CNRIP1: variants seen among roughly 807,000 people sequenced by gnomAD.
The protein encoded by CNRIP1 is CB1 cannabinoid receptor-interacting protein 1.
A neutral mutation model predicts 15.2 loss-of-function variants in CNRIP1; 10 were observed. The ratio of observed to expected loss-of-function variants is 0.66; its 90% CI spans 0.41 to 1.12. The LOEUF (loss-of-function observed/expected upper bound fraction) is 1.12, where lower values mean the gene tolerates loss of function less well. Ranked by LOEUF, CNRIP1 falls within the 50% of genes most tolerant of loss-of-function variation. The probability of loss-of-function intolerance (pLI) is 0.00; values close to 1 mark genes in which losing one functional copy is unlikely to be tolerated. For missense variants in CNRIP1, 211 were observed against 214.7 expected, an observed-to-expected ratio of 0.98 and a Z score of 0.11; for synonymous variants, 91 against 83.2, an observed-to-expected ratio of 1.09 and a Z score of -0.51.
chr2:68,305,244 C>CAAAAAAAA (rs60243249), intron 2 of CNRIP1, among the ~76,000 whole-genome samples: 14 of 91,632 alleles, frequency 1.5e-4, no homozygotes, highest in African/African-American at 5.1e-4. Context: ...AACTCCGTCT[C>CAAAAAAAA]AAAAAAAAAA....
chr2:68,297,270 A>G (rs1457575657), intron 2 of CNRIP1, among the ~76,000 whole-genome samples: 2 of 152,180 alleles, frequency 1.3e-5, no homozygotes, highest in Non-Finnish European at 2.9e-5. Context: ...AAAACAAAAC[A>G]AAGCAAAAAC....
intron 2 of CNRIP1, among the ~76,000 whole-genome samples, chr2:68,306,124 CAAAAAAAAA>C (rs61586261): frequency 1.0e-3 from 26 of 25,342 alleles, no homozygotes; most frequent in East Asian, 2.7e-3. Context: ...CCCACCTCTA[CAAAAAAAAA>C]AAAAAAAAAA....
intron 2 of CNRIP1, among the ~76,000 whole-genome samples, chr2:68,313,929 G>A (rs1672183672): frequency 6.6e-6 from 1 of 151,990 alleles, no homozygotes; most frequent in African/African-American, 2.4e-5. Flanking sequence ...CCACCATGTT[G>A]GGCTTCTCAT....
intron 2 of CNRIP1, chr2:68,316,741 A>C: frequency 3.1e-6 from 1 of 319,760 alleles, no homozygotes. Context: ...TTCCCATGAC[A>C]CTTTTTTTGG....
chr2:68,303,243 T>A lies in CNRIP1; in HGVS notation c.331-9217A>T, dbSNP rs76167807. 1.8e-4 allele frequency among the ~76,000 whole-genome samples: 28 copies of A among 152,294 alleles called. No individual in the cohort carries two copies. In the East Asian group the frequency reaches 5.4e-3, roughly 29 times the overall value. On this transcript the variant is annotated intron_variant, in intron 2 of 2. Coordinates refer to ENST00000263655, the MANE Select transcript of CNRIP1 (RefSeq NM_015463.3). ...ATATGTCATCAGAGTTGAAAGGAAA[T>A]ATTATCTTAAAGCAGAACTGCAAAT...
intron 2 of CNRIP1, among the ~76,000 whole-genome samples, chr2:68,302,723 C>T (rs1671657297): frequency 6.6e-6 from 1 of 151,838 alleles, no homozygotes; most frequent in African/African-American, 2.4e-5. Context: ...GCTTAGGAGA[C>T]TATACATGTT....
intron 2 of CNRIP1, among the ~76,000 whole-genome samples, chr2:68,301,273 GAATA>G (rs568798973): frequency 8.7e-4 from 132 of 152,226 alleles, no homozygotes; most frequent in Middle Eastern, 6.8e-3. Context: ...CATATTAACA[GAATA>G]AAGGAGAAAA....
rs1318988807 is a variant in CNRIP1, at chr2:68,317,276, G to T, written c.211C>A (p.Leu71Met). ...NISIGGVLVP[L>M]ELKSKEPDGD... ...TCAGGCTCTTTAGACTTCAGTTCCA[G>T]TGGGACAAGCACACCACCAATGGAA... is the stretch of plus-strand genomic sequence containing the variant. The change falls in exon 2 of 3, where the codon CTG (leucine) becomes ATG (methionine). Residue 71 changes from leucine (L) to methionine (M), a missense_variant. By Grantham distance (15) the Leu-to-Met change is conservative. Transcript: ENST00000263655. 6.2e-7 allele frequency: 1 copy of T among 1,614,120 alleles called. No individual in the cohort carries two copies. Among genetic ancestry groups the T allele is most frequent in the Admixed American group, 1.7e-5 (1 of 60,020 alleles).
At chr2:68,284,824 A>C (rs551038454) in intron 2 of CNRIP1, among the ~76,000 whole-genome samples, 36 of 151,628 alleles carry the variant, frequency 2.4e-4, no homozygotes, top group African/African-American at 8.7e-4. Context: ...AAAAAAAAAA[A>C]AAAAGAAAAG....
downstream of CNRIP1, among the ~76,000 whole-genome samples, chr2:68,291,294 C>G (rs72898434): frequency 0.028 from 4,187 of 149,214 alleles, 190 homozygotes; most frequent in African/African-American, 0.098. Flanking sequence ...ACACTTTCCC[C>G]TTTTTTTTTT....
chr2:68,301,383 G>A (rs1050883890), intron 2 of CNRIP1, among the ~76,000 whole-genome samples: 1 of 151,996 alleles, frequency 6.6e-6, no homozygotes, highest in African/African-American at 2.4e-5. Context: ...TTCATTAAGG[G>A]GCATTGACAA....
intron 2 of CNRIP1, among the ~76,000 whole-genome samples, chr2:68,314,760 A>G (rs1672209430): frequency 6.6e-6 from 1 of 152,124 alleles, no homozygotes; most frequent in Non-Finnish European, 1.5e-5. Flanking sequence ...AATTTTTGCA[A>G]TATAAGAAAT....
intron 2 of CNRIP1, among the ~76,000 whole-genome samples, chr2:68,301,159 G>C (rs1015920288): frequency 1.3e-5 from 2 of 152,170 alleles, no homozygotes. Context: ...TTTGCTTGAA[G>C]TATTGGTAAA....
At chr2:68,306,742 T>G (rs1432203864) in intron 2 of CNRIP1, among the ~76,000 whole-genome samples, 1 of 150,292 alleles carries the variant, frequency 6.7e-6, no homozygotes. Context: ...GATTGCACCA[T>G]TGTACCACAG....
chr2:68,319,561 G>T lies in CNRIP1; in HGVS notation c.-161C>A, dbSNP rs949773908. On this transcript the variant is annotated 5_prime_UTR_variant, in exon 1 of 3. Transcript: ENST00000263655. The stretch of plus-strand genomic sequence containing the variant: ...GGAACCCGCGCCGTCGCCGCCGTCC[G>T]CCCGGGCTTTTGAGGAGCAGCTCCT... The T allele has an allele frequency of 1.4e-6, 1 of 701,548 alleles. No homozygotes were observed. The highest frequency in any genetic ancestry group is 2.2e-6 in the Non-Finnish European group (1 of 451,056). 43.5% of individuals were successfully genotyped at this position (701,548 alleles called of 1,614,324 possible).
intron 2 of CNRIP1, chr2:68,316,321 A>G (rs1306332457): frequency 6.6e-6 from 1 of 152,200 alleles, no homozygotes; most frequent in Non-Finnish European, 1.5e-5. Flanking sequence ...ATTCTCACGC[A>G]TACCGATATT....
chr2:68,315,164 A>G lies in CNRIP1; in HGVS notation c.330+1993T>C, dbSNP rs1022945062. On this transcript the variant is annotated intron_variant, in intron 2 of 2. Transcript: ENST00000263655. ...TTTATAAAGATTTTTCAAAAAATCA[A>G]TAAGATACACTTAAGCAGAAAAATG... 6.6e-5 allele frequency among the ~76,000 whole-genome samples: 10 copies of G among 152,332 alleles called. No homozygotes were observed. In the East Asian group the frequency reaches 1.5e-3, roughly 23 times the overall value.
rs754890656 is a variant in CNRIP1 at position 68,317,142 on chromosome 2, G to C, written c.330+15C>G. 2 of 1,613,998 alleles carry C rather than the reference G, an allele frequency of 1.2e-6. No individual in the cohort carries two copies. Among genetic ancestry groups the C allele is most frequent in the Non-Finnish European group, 1.7e-6 (2 of 1,179,944 alleles). On this transcript the variant is annotated intron_variant, in intron 2 of 2. Transcript: ENST00000263655. The stretch of plus-strand genomic sequence containing the variant: ...TCCATGGCACCATACTCCTATACCC[G>C]CAAGCAAGCCTTACCGGCATGGTGA...
chr2:68,316,304 C>A (rs989053800), intron 2 of CNRIP1: 1 of 152,070 alleles, frequency 6.6e-6, no homozygotes, highest in Non-Finnish European at 1.5e-5. Context: ...AACAAACTCC[C>A]AAAGAGATTC....
Sources: gnomAD v4.1 joint callset for allele counts (sites outside exome capture counted in the v4.1 genomes callset) on GRCh38, gnomAD v4.1.1 for gene constraint, MANE v1.5 for transcripts, NCBI Gene and HGNC (gene_info 2026-07-23, HGNC 2026-07-21) for gene names.